The following SLC24A2 variants were observed in gnomAD, a reference collection of about 807,000 sequenced individuals.
SLC24A2 encodes sodium/potassium/calcium exchanger 2.
A neutral mutation model predicts 62.0 loss-of-function variants in SLC24A2; 36 were observed. The observed-to-expected ratio is 0.58, with a 90% CI of 0.44 to 0.77. The LOEUF (loss-of-function observed/expected upper bound fraction) is 0.77, where lower values mean the gene tolerates loss of function less well. SLC24A2 is among the 30% of genes least tolerant of loss of function. The pLI, the probability that SLC24A2 is intolerant of heterozygous loss-of-function variation, is 0.00. For missense variants in SLC24A2, 846 were observed against 817.9 expected (o/e 1.03, Z -0.42); for synonymous variants, 358 against 294.0 (o/e 1.22, Z -2.23).
the SLC24A2 span, among the ~76,000 whole-genome samples, chr9:19,794,861 G>T: frequency 1.3e-5 from 2 of 151,922 alleles, no homozygotes; most frequent in African/African-American, 4.8e-5. Flanking sequence ...AAGGAGCATT[G>T]CTCTTTATGA....
chr9:20,196,676 T>A, the SLC24A2 span, among the ~76,000 whole-genome samples: 2 of 152,218 alleles, frequency 1.3e-5, no homozygotes, highest in Non-Finnish European at 2.9e-5. Context: ...AGGATAATAA[T>A]TCATTACATT....
chr9:19,978,308 T>C, the SLC24A2 span, among the ~76,000 whole-genome samples: 1 of 152,108 alleles, frequency 6.6e-6, no homozygotes, highest in Non-Finnish European at 1.5e-5. Flanking sequence ...TTTTATCAGT[T>C]CCTCAAGAAG....
chr9:20,275,837 A>G, the SLC24A2 span, among the ~76,000 whole-genome samples: 52 of 152,280 alleles, frequency 3.4e-4, no homozygotes, highest in African/African-American at 1.2e-3. Flanking sequence ...CACATCTTAC[A>G]TGGTGGCAGG....
chr9:19,677,272 C>T (rs10964250), intron 2 of SLC24A2, among the ~76,000 whole-genome samples: 57,965 of 152,068 alleles, frequency 0.38, 13,426 homozygotes, highest in East Asian at 0.75. Context: ...AGATCTTGTC[C>T]TTTGCAGGGA....
chr9:19,881,460 G>A, the SLC24A2 span, among the ~76,000 whole-genome samples: 1 of 152,130 alleles, frequency 6.6e-6, no homozygotes, highest in East Asian at 1.9e-4. Context: ...CTATTCTGAT[G>A]GGAAAGTACG....
the SLC24A2 span, among the ~76,000 whole-genome samples, chr9:20,021,592 T>A: frequency 6.6e-6 from 1 of 152,000 alleles, no homozygotes; most frequent in Admixed American, 6.6e-5. Context: ...AGAATCATCA[T>A]GGCAGTACCA....
the SLC24A2 span, among the ~76,000 whole-genome samples, chr9:20,064,020 C>G: frequency 6.6e-6 from 1 of 152,252 alleles, no homozygotes; most frequent in Non-Finnish European, 1.5e-5. Context: ...AAGATTTGAA[C>G]ATAAGTATTC....
chr9:20,089,847 C>T, the SLC24A2 span, among the ~76,000 whole-genome samples: 25 of 152,024 alleles, frequency 1.6e-4, no homozygotes, highest in Non-Finnish European at 2.2e-4. Flanking sequence ...CCAGTTTCTC[C>T]TCCTAGTGAG....
the SLC24A2 span, among the ~76,000 whole-genome samples, chr9:20,196,164 GAAC>G: frequency 6.1e-3 from 926 of 152,282 alleles, 6 homozygotes; most frequent in Admixed American, 0.023. Flanking sequence ...GAACTTGCTG[GAAC>G]ACTATTTGAC....
chr9:20,192,448 G>C, the SLC24A2 span, among the ~76,000 whole-genome samples: 1 of 152,110 alleles, frequency 6.6e-6, no homozygotes, highest in African/African-American at 2.4e-5. Context: ...GGTGACTACA[G>C]TCAGATACAT....
the SLC24A2 span, among the ~76,000 whole-genome samples, chr9:20,256,468 G>A: frequency 1.3e-5 from 2 of 152,102 alleles, no homozygotes; most frequent in African/African-American, 4.8e-5. Context: ...GAGTGTCTGG[G>A]CCTGCACTTC....
At chr9:20,198,034 G>T in the SLC24A2 span, among the ~76,000 whole-genome samples, 1 of 152,154 alleles carries the variant, frequency 6.6e-6, no homozygotes, top group African/African-American at 2.4e-5. Flanking sequence ...AGAGTAAAAG[G>T]TGGTTACAAA....
the SLC24A2 span, among the ~76,000 whole-genome samples, chr9:19,898,276 G>T: frequency 6.6e-6 from 1 of 152,206 alleles, no homozygotes; most frequent in African/African-American, 2.4e-5. Flanking sequence ...AGCCAGGTAT[G>T]TGTATCATGC....
chr9:19,543,681 T>C (rs1414427438), intron 8 of SLC24A2, among the ~76,000 whole-genome samples: 1 of 152,190 alleles, frequency 6.6e-6, no homozygotes, highest in Non-Finnish European at 1.5e-5. Flanking sequence ...CTTCATTTCG[T>C]TTTTTACCCA....
the SLC24A2 span, among the ~76,000 whole-genome samples, chr9:19,965,607 A>T: frequency 6.6e-6 from 1 of 152,194 alleles, no homozygotes; most frequent in African/African-American, 2.4e-5. Context: ...AGTGAAATTG[A>T]TTTAACCTGT....
At chr9:20,120,682 AC>A in the SLC24A2 span, among the ~76,000 whole-genome samples, 1 of 152,186 alleles carries the variant, frequency 6.6e-6, no homozygotes, top group Middle Eastern at 3.4e-3. Flanking sequence ...CTGCATATCT[AC>A]CCTCTGAACC....
intron 5 of SLC24A2, among the ~76,000 whole-genome samples, chr9:19,595,056 T>A (rs949762816): frequency 5.3e-5 from 8 of 152,366 alleles, no homozygotes; most frequent in Non-Finnish European, 8.8e-5. Flanking sequence ...TTTCAGAGGT[T>A]CCTGTTCTAG....
At position 19,667,372 on chromosome 9, in the gene SLC24A2, A is replaced by G. The variant is rs142703965; in HGVS notation, c.931-45073T>C. 3.6e-4 allele frequency among the ~76,000 whole-genome samples: 55 copies of G among 152,234 alleles called. 1 individual carries two copies. The highest frequency in any genetic ancestry group is 1.2e-3 in the African/African-American group (51 of 41,550). On this transcript the variant is annotated intron_variant, in intron 2 of 10. Transcript: ENST00000341998. ...ATTTCCTATCTTGGTTAATGATTCCATTGCCCAACCAGAGGCCTGATATTG... is the reference window on the plus strand; with the variant it reads ...ATTTCCTATCTTGGTTAATGATTCCGTTGCCCAACCAGAGGCCTGATATTG...
intron 7 of SLC24A2, among the ~76,000 whole-genome samples, chr9:19,562,788 C>G (rs187949872): frequency 1.1e-4 from 17 of 152,214 alleles, no homozygotes; most frequent in Non-Finnish European, 2.9e-5. Context: ...AGTCATAGTT[C>G]TAATACTGTT....
Sources: allele counts gnomAD v4.1 joint callset (sites outside exome capture counted in the v4.1 genomes callset), GRCh38; gene constraint gnomAD v4.1.1; transcripts MANE v1.5; gene names NCBI Gene and HGNC (gene_info 2026-07-23, HGNC 2026-07-21).